Variants in TANC2 observed in about 807,000 individuals in gnomAD.
TANC2 encodes protein TANC2.
In TANC2, 26 loss-of-function variants were observed where a neutral mutation model predicts 210.5. The observed-to-expected ratio is 0.12, with a 90% confidence interval of 0.09 to 0.17. The LOEUF is 0.17. TANC2 is among the 10% of genes least tolerant of loss of function. TANC2 has a pLI of 1.00. For synonymous variants in TANC2, 931 were observed against 967.1 expected (o/e 0.96, Z 0.69); for missense variants, 2,129 against 2,608.9 (o/e 0.82, Z 4.01).
rs369118971 is a variant in TANC2, at chr17:63,389,051, G to A, written c.2815-257G>A. ...TCTTGGTAGGAGCTTTTCTGACCAA[G>A]AGCTCACTTCGTAGAGACTATGTTC... On this transcript the variant is annotated intron_variant, in intron 16 of 27. Transcript: ENST00000689528. 5.3e-5 allele frequency among the ~76,000 whole-genome samples: 8 copies of A among 152,154 alleles called. No individual in the cohort carries two copies. The East Asian group carries it at 1.3e-3, about 26-fold the overall frequency.
At chr17:63,152,764 C>T (rs1020222077) in intron 5 of TANC2, 2 of 152,000 alleles carry the variant, frequency 1.3e-5, no homozygotes, top group African/African-American at 4.8e-5. Flanking sequence ...CTATCAGAGG[C>T]CTTTTCCAGA....
intron 9 of TANC2, among the ~76,000 whole-genome samples, chr17:63,281,950 A>G (rs2146354117): frequency 6.6e-6 from 1 of 152,216 alleles, no homozygotes; most frequent in Non-Finnish European, 1.5e-5. Flanking sequence ...CAGAGGGAGC[A>G]TGGCCCTAGG....
intron 4 of TANC2, among the ~76,000 whole-genome samples, chr17:63,144,587 G>A (rs2039402420): frequency 6.6e-6 from 1 of 152,142 alleles, no homozygotes; most frequent in South Asian, 2.1e-4. Context: ...GTTTTTATAT[G>A]AAATTTGGAG....
intron 2 of TANC2, among the ~76,000 whole-genome samples, chr17:63,066,307 C>T (rs2036194289): frequency 6.6e-6 from 1 of 152,022 alleles, no homozygotes; most frequent in South Asian, 2.1e-4. Flanking sequence ...CTTGGAATGG[C>T]CTGGCGGTGA....
At chr17:63,394,177 T>C (rs1322769453) in intron 17 of TANC2, among the ~76,000 whole-genome samples, 1 of 152,208 alleles carries the variant, frequency 6.6e-6, no homozygotes, top group East Asian at 1.9e-4. Flanking sequence ...AAGCGATCCC[T>C]TCTCCCCCAT....
At chr17:63,279,970 A>G (rs1354570787) in intron 9 of TANC2, among the ~76,000 whole-genome samples, 2 of 152,118 alleles carry the variant, frequency 1.3e-5, no homozygotes, top group Non-Finnish European at 2.9e-5. Flanking sequence ...TGAAGTGGCA[A>G]AGGGATTCTG....
chr17:63,161,070 G>A (rs141492210), intron 5 of TANC2, among the ~76,000 whole-genome samples: 4 of 152,290 alleles, frequency 2.6e-5, no homozygotes, highest in East Asian at 1.9e-4. Context: ...AGGCTTGCTC[G>A]CTACCTGAAA....
At chr17:63,275,807 G>C (rs553730234) in intron 9 of TANC2, among the ~76,000 whole-genome samples, 1 of 152,172 alleles carries the variant, frequency 6.6e-6, no homozygotes, top group African/African-American at 2.4e-5. Context: ...CCCCCAACCA[G>C]CTCTTCTGCA....
intron 4 of TANC2, among the ~76,000 whole-genome samples, chr17:63,125,842 C>T (rs550112335): frequency 6.6e-6 from 1 of 152,142 alleles, no homozygotes; most frequent in Non-Finnish European, 1.5e-5. Flanking sequence ...TTCATCTTAG[C>T]ATTTATTACA....
intron 17 of TANC2, chr17:63,389,896 C>T (rs1202810907): frequency 3.3e-6 from 1 of 303,810 alleles, no homozygotes; most frequent in Non-Finnish European, 6.3e-6. Flanking sequence ...AGTGGCAGGT[C>T]TGGACCAAAT....
chr17:63,171,101 T>TC, intron 5 of TANC2, among the ~76,000 whole-genome samples: 1 of 144,700 alleles, frequency 6.9e-6, no homozygotes, highest in African/African-American at 2.6e-5. Flanking sequence ...TTTTTTTTTT[T>TC]TTGAGATGGA....
chr17:63,053,329 A>G (rs1473890894), intron 2 of TANC2, among the ~76,000 whole-genome samples: 1 of 152,262 alleles, frequency 6.6e-6, no homozygotes, highest in Admixed American at 6.5e-5. Context: ...GAGAGAGACC[A>G]TGCTAAACCA....
intron 11 of TANC2, among the ~76,000 whole-genome samples, chr17:63,327,977 A>G (rs1330136102): frequency 3.3e-5 from 5 of 152,088 alleles, no homozygotes; most frequent in African/African-American, 7.2e-5. Context: ...TCCTGTGTCC[A>G]TGTGTTCTCA....
intron 5 of TANC2, among the ~76,000 whole-genome samples, chr17:63,177,743 G>T (rs1567789254): frequency 6.6e-6 from 1 of 152,140 alleles, no homozygotes; most frequent in Non-Finnish European, 1.5e-5. Context: ...GGCTGAAGGG[G>T]TATCAGCCAG....
rs755034454 is a variant in TANC2, at chr17:63,177,264, C to CAAAAAA, written c.434-16713_434-16708dup. Among the ~76,000 whole-genome samples the CAAAAAA allele has an allele frequency of 4.5e-4, 33 of 73,216 alleles. 1 individual carries two copies. The highest frequency in any genetic ancestry group is 1.6e-3 in the African/African-American group (30 of 18,520). The allele number at this position is 73,216 out of a possible 152,430, so 48.0% of individuals were successfully genotyped here. ...TGGGTGACAGAGTGAGACTCTGTCT[C>CAAAAAA]AAAAAAAAAAAAAAAAAAACACAAA... On this transcript the variant is annotated intron_variant, in intron 5 of 27. Coordinates refer to ENST00000689528, the Ensembl canonical transcript of TANC2.
chr17:63,128,032 A>G (rs1015678586), intron 4 of TANC2, among the ~76,000 whole-genome samples: 34 of 152,294 alleles, frequency 2.2e-4, no homozygotes, highest in African/African-American at 6.5e-4. Context: ...GTTAATGCCC[A>G]TTGTACTTCT....
At chr17:63,162,410 A>T (rs189222755) in intron 5 of TANC2, among the ~76,000 whole-genome samples, 12 of 152,322 alleles carry the variant, frequency 7.9e-5, no homozygotes, top group Non-Finnish European at 1.3e-4. Flanking sequence ...AAGGGAACAG[A>T]GCAGTAGGGA....
chr17:63,290,689 T>C (rs1023897721), intron 9 of TANC2, among the ~76,000 whole-genome samples: 7 of 152,254 alleles, frequency 4.6e-5, no homozygotes, highest in South Asian at 2.1e-4. Context: ...GTTTGTTTAT[T>C]GCTTTAGGTG....
intron 2 of TANC2, among the ~76,000 whole-genome samples, chr17:63,051,875 A>C (rs977892829): frequency 1.3e-5 from 2 of 152,174 alleles, no homozygotes; most frequent in South Asian, 4.1e-4. Context: ...AGAGTAGGTT[A>C]AGCTATATGT....
Sources: gnomAD v4.1 joint callset for allele counts (sites outside exome capture counted in the v4.1 genomes callset) on GRCh38, gnomAD v4.1.1 for gene constraint, MANE v1.5 for transcripts, NCBI Gene and HGNC (gene_info 2026-07-23, HGNC 2026-07-21) for gene names.